The following POU2F1 variants were observed in gnomAD, a reference collection of about 807,000 sequenced individuals.
The protein encoded by POU2F1 is POU domain, class 2, transcription factor 1.
Under a neutral mutation model 84.9 loss-of-function variants are expected in POU2F1, and 16 were observed. That is an observed-to-expected ratio of 0.19 (90% CI 0.13 to 0.29). POU2F1 has a LOEUF of 0.29. Among genes scored for constraint, POU2F1 ranks in the 10% least tolerant of loss-of-function variants. The pLI is 1.00. For missense variants in POU2F1, 738 were observed against 942.6 expected (o/e 0.78, Z 2.84); for synonymous variants, 368 against 368.3 (o/e 1.00, Z 0.01).
chr1:167,221,701 A>G (rs35776661), intron 1 of POU2F1, among the ~76,000 whole-genome samples: 2,285 of 150,474 alleles, frequency 0.015, 39 homozygotes, highest in Middle Eastern at 0.031. Flanking sequence ...CTGGTCCCCA[A>G]TGTGGTGGCC....
At chr1:167,311,202 T>C (rs1039280627) in intron 1 of POU2F1, among the ~76,000 whole-genome samples, 1 of 152,126 alleles carries the variant, frequency 6.6e-6, no homozygotes, top group Non-Finnish European at 1.5e-5. Flanking sequence ...TAAAACTTTA[T>C]ATAAACTGGA....
At chr1:167,221,002 C>T (rs1648068687) in intron 1 of POU2F1, 44 bp downstream of exon 1, 1 of 1,477,836 alleles carries the variant, frequency 6.8e-7, no homozygotes, top group Non-Finnish European at 9.1e-7. Context: ...ATACTCAACC[C>T]CGGCTCCCGC....
intron 1 of POU2F1, among the ~76,000 whole-genome samples, chr1:167,315,928 T>G (rs1266694551): frequency 2.6e-5 from 4 of 152,146 alleles, no homozygotes; most frequent in Non-Finnish European, 5.9e-5. Context: ...CTTTGTTGGA[T>G]CTCAAAGGCA....
At chr1:167,400,346 C>T (rs1356920357) in intron 12 of POU2F1, among the ~76,000 whole-genome samples, 2 of 152,066 alleles carry the variant, frequency 1.3e-5, no homozygotes, top group Non-Finnish European at 2.9e-5. Flanking sequence ...CATCACATTT[C>T]CATCATACTC....
chr1:167,236,016 C>A (rs980275262), intron 1 of POU2F1, among the ~76,000 whole-genome samples: 1 of 152,152 alleles, frequency 6.6e-6, no homozygotes, highest in Non-Finnish European at 1.5e-5. Flanking sequence ...TCAGTTTCTC[C>A]TGCACTGTTA....
chr1:167,292,101 G>A (rs1653965854), intron 1 of POU2F1, among the ~76,000 whole-genome samples: 1 of 152,064 alleles, frequency 6.6e-6, no homozygotes. Context: ...ACTGTGTGAG[G>A]CGGGGGAAGA....
At chr1:167,395,333 G>T (rs1300426325) in intron 9 of POU2F1, among the ~76,000 whole-genome samples, 1 of 152,096 alleles carries the variant, frequency 6.6e-6, no homozygotes, top group Non-Finnish European at 1.5e-5. Context: ...TCTCTACTGT[G>T]AATTTCTATT....
chr1:167,364,021 A>T (rs969839326), intron 2 of POU2F1, among the ~76,000 whole-genome samples: 6 of 152,240 alleles, frequency 3.9e-5, no homozygotes, highest in African/African-American at 1.4e-4. Context: ...GTGGTAGGAA[A>T]TGGAAGTGTA....
rs140007376 is a variant in POU2F1 at position 167,247,453 on chromosome 1, C to T, written c.61+26495C>T. Among the ~76,000 whole-genome samples the T allele has an allele frequency of 1.1e-4, 17 of 152,250 alleles. No homozygotes were observed. The East Asian group carries it at 3.3e-3, about 29-fold the overall frequency. ...AAAATGGCATATATTCTAATCTTTA[C>T]CTAAATTTCCTCGTTACCCAACTTT... is the stretch of plus-strand genomic sequence containing the variant. On this transcript the variant is annotated intron_variant, in intron 1 of 15. Transcript: ENST00000367866.
intron 1 of POU2F1, among the ~76,000 whole-genome samples, chr1:167,237,772 ATT>A (rs1216931950): frequency 8.0e-4 from 24 of 29,908 alleles, no homozygotes; most frequent in African/African-American, 3.3e-3. Context: ...ATATATATAT[ATT>A]TTTTTTTTTT....
At chr1:167,327,924 G>A (rs1202515585) in intron 1 of POU2F1, among the ~76,000 whole-genome samples, 3 of 152,102 alleles carry the variant, frequency 2.0e-5, no homozygotes, top group East Asian at 3.8e-4. Context: ...GGGTAATAAT[G>A]CTTATTACTC....
At chr1:167,226,935 TTA>T (rs1384416950) in intron 1 of POU2F1, among the ~76,000 whole-genome samples, 1 of 152,202 alleles carries the variant, frequency 6.6e-6, no homozygotes, top group African/African-American at 2.4e-5. Flanking sequence ...AGATTATCTT[TTA>T]TTCATTTATT....
chr1:167,339,724 T>C (rs1657709232), intron 2 of POU2F1, among the ~76,000 whole-genome samples: 1 of 152,204 alleles, frequency 6.6e-6, no homozygotes, highest in Non-Finnish European at 1.5e-5. Flanking sequence ...CTTAGGAGTT[T>C]GTCATCTTTT....
intron 4 of POU2F1, among the ~76,000 whole-genome samples, chr1:167,371,079 A>G (rs987981034): frequency 6.6e-6 from 1 of 152,202 alleles, no homozygotes; most frequent in Non-Finnish European, 1.5e-5. Context: ...ACCTAGTAAC[A>G]CGTAGGAACA....
intron 1 of POU2F1, among the ~76,000 whole-genome samples, chr1:167,247,042 G>A (rs1262798160): frequency 5.6e-4 from 12 of 21,300 alleles, no homozygotes; most frequent in Non-Finnish European, 1.8e-3. Flanking sequence ...ATATATATGT[G>A]TGTGTGTGTG....
chr1:167,290,172 C>G (rs1653824330), intron 1 of POU2F1, among the ~76,000 whole-genome samples: 1 of 152,080 alleles, frequency 6.6e-6, no homozygotes, highest in African/African-American at 2.4e-5. Context: ...GGGTGGATCA[C>G]TTGAGCTCTG....
intron 1 of POU2F1, among the ~76,000 whole-genome samples, chr1:167,313,610 CAA>C (rs917261221): frequency 6.6e-6 from 1 of 151,958 alleles, no homozygotes; most frequent in Non-Finnish European, 1.5e-5. Context: ...AAGAAAAAAA[CAA>C]AACAGAAACT....
At chr1:167,351,564 A>G (rs1658586042) in intron 2 of POU2F1, among the ~76,000 whole-genome samples, 1 of 151,526 alleles carries the variant, frequency 6.6e-6, no homozygotes, top group South Asian at 2.1e-4. Flanking sequence ...AAAAAAAGAA[A>G]AGAAACTATT....
intron 1 of POU2F1, among the ~76,000 whole-genome samples, chr1:167,245,774 C>T (rs1054668154): frequency 1.3e-5 from 2 of 152,164 alleles, no homozygotes; most frequent in African/African-American, 4.8e-5. Flanking sequence ...CCAGGCTAGT[C>T]TCAAACTCCT....
Sources: gnomAD v4.1 joint callset for allele counts (sites outside exome capture counted in the v4.1 genomes callset) on GRCh38, gnomAD v4.1.1 for gene constraint, MANE v1.5 for transcripts, NCBI Gene and HGNC (gene_info 2026-07-23, HGNC 2026-07-21) for gene names.